SLC31A1: variants seen among roughly 807,000 people sequenced by gnomAD.
SLC31A1 encodes the protein solute carrier family 31 member 1, also known as high affinity copper uptake protein 1.
SLC31A1 carries 5 observed loss-of-function variants against 17.2 expected under a neutral mutation model. The ratio of observed to expected loss-of-function variants is 0.29; its 90% CI spans 0.15 to 0.61. The LOEUF (loss-of-function observed/expected upper bound fraction) is 0.61. Among genes scored for constraint, SLC31A1 ranks in the 20% least tolerant of loss-of-function variants. The probability of loss-of-function intolerance (pLI) is 0.86; values close to 1 mark genes in which losing one functional copy is unlikely to be tolerated. For synonymous variants in SLC31A1, 76 were observed against 78.8 expected, an observed-to-expected ratio of 0.96 and a Z score of 0.19; for missense variants, 161 against 241.4, an observed-to-expected ratio of 0.67 and a Z score of 2.21.
chr9:113,236,001 T>G (rs1264780878), intron 1 of SLC31A1, among the ~76,000 whole-genome samples: 1 of 152,248 alleles, frequency 6.6e-6, no homozygotes, highest in East Asian at 1.9e-4. Flanking sequence ...TTGTTTTGTT[T>G]TGTTTTGAGA....
intron 1 of SLC31A1, among the ~76,000 whole-genome samples, chr9:113,248,418 G>T (rs548070819): frequency 4.0e-5 from 6 of 149,992 alleles, no homozygotes; most frequent in Non-Finnish European, 8.9e-5. Flanking sequence ...CCACTTCATG[G>T]TCTCAGGAAA....
intron 1 of SLC31A1, among the ~76,000 whole-genome samples, chr9:113,236,213 C>T (rs1309144823): frequency 2.0e-5 from 3 of 152,142 alleles, no homozygotes; most frequent in Non-Finnish European, 1.5e-5. Flanking sequence ...GTCTCAGACT[C>T]CTGGCCTCAA....
rs1831783526 is a variant in SLC31A1, at chr9:113,260,698, A to G, written c.*225A>G. ...TTTTTTCTAATAAGCTGAGATTCCC[A>G]TTTCTCTTAAGGAGAAGCCACCCAT... is the stretch of plus-strand genomic sequence containing the variant. On this transcript the variant is annotated 3_prime_UTR_variant, in exon 5 of 5. Coordinates refer to ENST00000374212, the MANE Select transcript of SLC31A1 (RefSeq NM_001859.4). 1.8e-6 allele frequency: 1 copy of G among 568,702 alleles called. No homozygotes were observed. Among genetic ancestry groups the G allele is most frequent in the Non-Finnish European group, 3.2e-6 (1 of 311,728 alleles). 35.2% of individuals were successfully genotyped at this position (568,702 alleles called of 1,614,324 possible).
Position 113,258,995 on chromosome 9 carries a change from G to A in SLC31A1, c.371+133G>A. The A allele has an allele frequency of 1.1e-6, 1 of 940,742 alleles. No individual in the cohort carries two copies. Among genetic ancestry groups the A allele is most frequent in the Non-Finnish European group, 1.7e-6 (1 of 589,338 alleles). The allele number at this position is 940,742 out of a possible 1,614,324, so 58.3% of individuals were successfully genotyped here. A position where few individuals can be genotyped will look rare whatever the true frequency, so the allele number is the denominator to read the frequency against. ...TATGACCTTGATCAAAACTGTCCTT[G>A]GAGGTTTGGGTTTGTAGGTCATGAG... On this transcript the variant is annotated intron_variant, in intron 4 of 4. Transcript: ENST00000374212. The surrounding 1 kb of genome is among the most constrained non-coding windows in gnomAD (Gnocchi z 4.8).
chr9:113,222,437 T>A (rs560856242), intron 1 of SLC31A1, among the ~76,000 whole-genome samples: 9,082 of 152,206 alleles, frequency 0.06, 311 homozygotes, highest in African/African-American at 0.081. Context: ...TAAGTATTTC[T>A]TTGGTTAACC....
chr9:113,242,146 G>A (rs187910954), intron 1 of SLC31A1, among the ~76,000 whole-genome samples: 2 of 152,058 alleles, frequency 1.3e-5, no homozygotes, highest in Admixed American at 6.5e-5. Flanking sequence ...CTGAGATCAC[G>A]CCACCGCACT....
intron 1 of SLC31A1, among the ~76,000 whole-genome samples, chr9:113,224,350 G>A (rs572677819): frequency 2.0e-5 from 3 of 152,006 alleles, no homozygotes; most frequent in African/African-American, 7.2e-5. Context: ...ATCTTTCTAG[G>A]TGTTTATGAA....
intron 1 of SLC31A1, among the ~76,000 whole-genome samples, chr9:113,236,739 G>A (rs1048386638): frequency 1.6e-4 from 24 of 152,184 alleles, no homozygotes; most frequent in African/African-American, 5.5e-4. Context: ...TCTGTTCCTT[G>A]ACTCAGGAAG....
At chr9:113,226,607 C>G (rs1221799273) in intron 1 of SLC31A1, among the ~76,000 whole-genome samples, 1 of 152,164 alleles carries the variant, frequency 6.6e-6, no homozygotes, top group Admixed American at 6.5e-5. Context: ...CACCCTACCT[C>G]TTTTCCTTTA....
intron 1 of SLC31A1, among the ~76,000 whole-genome samples, chr9:113,228,530 G>A (rs1349796197): frequency 1.3e-5 from 2 of 152,334 alleles, no homozygotes; most frequent in African/African-American, 4.8e-5. Context: ...CTTTTGTAAA[G>A]GCCTTTGGAA....
chr9:113,255,209 G>A (rs541881790), intron 1 of SLC31A1, among the ~76,000 whole-genome samples: 1 of 152,256 alleles, frequency 6.6e-6, no homozygotes, highest in Admixed American at 6.5e-5. Context: ...ATCCTGATTA[G>A]GCACAGGCCA....
At chr9:113,231,846 A>G (rs531502410) in intron 1 of SLC31A1, among the ~76,000 whole-genome samples, 1 of 152,216 alleles carries the variant, frequency 6.6e-6, no homozygotes, top group Non-Finnish European at 1.5e-5. Flanking sequence ...GCCATACGTT[A>G]AGTACTCATA....
At chr9:113,243,109 G>A (rs1460882493) in intron 1 of SLC31A1, among the ~76,000 whole-genome samples, 1 of 151,202 alleles carries the variant, frequency 6.6e-6, no homozygotes, top group Non-Finnish European at 1.5e-5. Context: ...AGCTCTAGGT[G>A]GAACTTTATG....
At chr9:113,236,402 C>T (rs1302697314) in intron 1 of SLC31A1, among the ~76,000 whole-genome samples, 1 of 152,042 alleles carries the variant, frequency 6.6e-6, no homozygotes, top group African/African-American at 2.4e-5. Flanking sequence ...CTCACTCTGT[C>T]GCCCAGGTTG....
intron 1 of SLC31A1, among the ~76,000 whole-genome samples, chr9:113,246,043 C>G (rs1192303497): frequency 2.0e-5 from 3 of 152,060 alleles, no homozygotes; most frequent in Non-Finnish European, 4.4e-5. Context: ...GAGCCATCAT[C>G]AAGATAATTG....
intron 1 of SLC31A1, among the ~76,000 whole-genome samples, chr9:113,242,208 T>C (rs1587991537): frequency 6.7e-6 from 1 of 150,270 alleles, no homozygotes; most frequent in Non-Finnish European, 1.5e-5. Context: ...AAACTAGACG[T>C]TGGAGTATGG....
chr9:113,253,552 ATTT>A (rs71491085), intron 1 of SLC31A1, among the ~76,000 whole-genome samples: 18 of 128,812 alleles, frequency 1.4e-4, no homozygotes, highest in African/African-American at 2.9e-4. Context: ...GAGCTCTGTA[ATTT>A]TTTTTTTTTT....
intron 1 of SLC31A1, among the ~76,000 whole-genome samples, chr9:113,230,312 C>T (rs1831387739): frequency 6.6e-6 from 1 of 152,242 alleles, no homozygotes; most frequent in South Asian, 2.1e-4. Context: ...CAGCCTCAAC[C>T]TCCCTGGCTC....
Position 113,262,382 on chromosome 9 carries a change from A to G in SLC31A1, c.*1909A>G, listed in dbSNP as rs1354252324. 6.6e-6 allele frequency: 1 copy of G among 152,644 alleles called. No individual in the cohort carries two copies. The highest frequency in any genetic ancestry group is 1.5e-5 in the Non-Finnish European group (1 of 68,062). 9.5% of individuals were successfully genotyped at this position (152,644 alleles called of 1,614,324 possible). A position where few individuals can be genotyped will look rare whatever the true frequency, so the allele number is the denominator to read the frequency against. On this transcript the variant is annotated 3_prime_UTR_variant, in exon 5 of 5. Coordinates refer to ENST00000374212, the MANE Select transcript of SLC31A1 (RefSeq NM_001859.4). ...TTCCTGGTTCAAACTACCTCTTTAA[A>G]TTGATTTGTCTTGTGCTGGTCTGTT...
Sources: allele counts gnomAD v4.1 joint callset (sites outside exome capture counted in the v4.1 genomes callset), GRCh38; gene constraint gnomAD v4.1.1; non-coding constraint Gnocchi (gnomAD v3.1); transcripts MANE v1.5; gene names NCBI Gene and HGNC (gene_info 2026-07-23, HGNC 2026-07-21).